Variants in DNER observed in about 807,000 individuals in gnomAD.
DNER encodes the protein delta/notch like EGF repeat containing.
A neutral mutation model predicts 78.2 loss-of-function variants in DNER; 33 were observed. That is an observed-to-expected ratio of 0.42 (90% CI 0.32 to 0.56). The LOEUF is 0.56. Ranked by LOEUF, DNER falls within the 20% of genes least tolerant of loss-of-function variation. The pLI is 0.11. For synonymous variants in DNER, 417 were observed against 384.8 expected (o/e 1.08, Z -0.98); for missense variants, 918 against 975.3 (o/e 0.94, Z 0.78).
At chr2:229,491,152 G>A (rs543625613) in intron 6 of DNER, among the ~76,000 whole-genome samples, 8 of 152,238 alleles carry the variant, frequency 5.3e-5, no homozygotes, top group African/African-American at 1.9e-4. Context: ...GTTCTCTCGG[G>A]CACTGTGCTC....
chr2:229,531,012 G>T (rs917114665), intron 5 of DNER, among the ~76,000 whole-genome samples: 6 of 152,254 alleles, frequency 3.9e-5, no homozygotes, highest in African/African-American at 1.4e-4. Context: ...CACAGTGGTG[G>T]TGGCTTCCTT....
chr2:229,381,219 G>A (rs113813674), intron 11 of DNER, among the ~76,000 whole-genome samples: 4,465 of 152,166 alleles, frequency 0.029, 96 homozygotes, highest in African/African-American at 0.06. Flanking sequence ...GGACTGTGTC[G>A]TGAGGAACGG....
intron 1 of DNER, among the ~76,000 whole-genome samples, chr2:229,656,582 T>C (rs1192452013): frequency 6.6e-6 from 1 of 151,982 alleles, no homozygotes; most frequent in Non-Finnish European, 1.5e-5. Flanking sequence ...ATCTAGCCCC[T>C]CGAACCTGTT....
chr2:229,603,762 AAGTTTGTGCTTTGCAATTTTTGTG>A (rs1469012498), intron 1 of DNER, among the ~76,000 whole-genome samples: 4,633 of 152,190 alleles, frequency 0.03, 212 homozygotes, highest in African/African-American at 0.096. Context: ...TGTGCTTTGC[AAGTTTGTGCTTTGCAATTTTTGTG>A]CATATTTTGT....
At chr2:229,457,424 C>T (rs1694599957) in intron 7 of DNER, among the ~76,000 whole-genome samples, 1 of 151,880 alleles carries the variant, frequency 6.6e-6, no homozygotes, top group Non-Finnish European at 1.5e-5. Flanking sequence ...TTACATTTTG[C>T]ATGAAGTGAT....
At chr2:229,368,944 TA>T (rs1692413579) in intron 11 of DNER, among the ~76,000 whole-genome samples, 1 of 152,174 alleles carries the variant, frequency 6.6e-6, no homozygotes, top group South Asian at 2.1e-4. Context: ...CCTTTTCCAA[TA>T]AAGAAATATG....
intron 1 of DNER, among the ~76,000 whole-genome samples, chr2:229,638,206 T>C (rs1229268750): frequency 6.6e-6 from 1 of 152,184 alleles, no homozygotes; most frequent in Non-Finnish European, 1.5e-5. Flanking sequence ...TGAAAAAATA[T>C]TTTATAGACA....
At chr2:229,685,111 CACA>C (rs1311023620) in intron 1 of DNER, among the ~76,000 whole-genome samples, 4 of 152,166 alleles carry the variant, frequency 2.6e-5, no homozygotes, top group Admixed American at 6.5e-5. Context: ...ATAATAATAA[CACA>C]ACAAGTTTAG....
At chr2:229,670,969 C>T (rs1429679045) in intron 1 of DNER, among the ~76,000 whole-genome samples, 1 of 152,094 alleles carries the variant, frequency 6.6e-6, no homozygotes, top group Non-Finnish European at 1.5e-5. Flanking sequence ...TGTGAAATGT[C>T]AGTAGTGGTG....
At position 229,654,380 on chromosome 2, in the gene DNER, C is replaced by T. The variant is rs528879974; in HGVS notation, c.276+59768G>A. Among the ~76,000 whole-genome samples the T allele has an allele frequency of 9.4e-4, 143 of 152,246 alleles. 1 individual carries two copies. Among genetic ancestry groups the T allele is most frequent in the African/African-American group, 3.3e-3 (137 of 41,538 alleles). ...TTTATTGCGGCACTATTCACAATAG[C>T]AAAGACTTGGAACCAACCCAAATGT... is the stretch of plus-strand genomic sequence containing the variant. On this transcript the variant is annotated intron_variant, in intron 1 of 12. Coordinates refer to ENST00000341772, the MANE Select transcript of DNER (RefSeq NM_139072.4).
chr2:229,427,783 A>G (rs967769764), intron 8 of DNER, among the ~76,000 whole-genome samples: 1 of 152,200 alleles, frequency 6.6e-6, no homozygotes, highest in Non-Finnish European at 1.5e-5. Flanking sequence ...CAGAGAAGAA[A>G]TAAGAACACT....
chr2:229,634,742 A>G (rs13421262), intron 1 of DNER, among the ~76,000 whole-genome samples: 8,247 of 152,158 alleles, frequency 0.054, 286 homozygotes, highest in Middle Eastern at 0.075. Context: ...TGCCGGCCCA[A>G]AGGAGTCTGT....
intron 6 of DNER, among the ~76,000 whole-genome samples, chr2:229,496,735 T>G (rs1695510633): frequency 6.6e-6 from 1 of 151,878 alleles, no homozygotes; most frequent in African/African-American, 2.4e-5. Context: ...GACAAAGGGG[T>G]CAATTCAATA....
intron 7 of DNER, among the ~76,000 whole-genome samples, chr2:229,454,825 T>C (rs73998236): frequency 0.075 from 11,451 of 152,170 alleles, 1,295 homozygotes; most frequent in African/African-American, 0.24. Context: ...TGCTAGCATA[T>C]CTCAGTATAT....
rs182574294 is a variant in DNER at position 229,521,501 on chromosome 2, A to G, written c.994-8565T>C. On this transcript the variant is annotated intron_variant, in intron 5 of 12. Coordinates refer to ENST00000341772, the MANE Select transcript of DNER (RefSeq NM_139072.4). The stretch of plus-strand genomic sequence containing the variant: ...GACAGTCATTTAGGTCTGAAATTAC[A>G]TAGGTGACAGACACTAAAACCTAGA... 3.3e-3 allele frequency among the ~76,000 whole-genome samples: 497 copies of G among 152,344 alleles called. 3 individuals carry two copies. The highest frequency in any genetic ancestry group is 0.011 in the African/African-American group (465 of 41,586).
intron 7 of DNER, among the ~76,000 whole-genome samples, chr2:229,464,744 A>G (rs13017464): frequency 0.39 from 58,486 of 151,894 alleles, 13,112 homozygotes; most frequent in African/African-American, 0.63. Context: ...TGCGGTGGGT[A>G]GAGAATGGTG....
intron 4 of DNER, among the ~76,000 whole-genome samples, chr2:229,570,833 C>T (rs1177375248): frequency 6.6e-6 from 1 of 151,962 alleles, no homozygotes; most frequent in African/African-American, 2.4e-5. Context: ...AAAGCCAAGG[C>T]ACAGGGATGC....
chr2:229,546,790 T>TAGAC (rs1696634066), intron 5 of DNER, among the ~76,000 whole-genome samples, 157 bp downstream of exon 5: 1 of 142,114 alleles, frequency 7.0e-6, no homozygotes, highest in Non-Finnish European at 1.5e-5. Flanking sequence ...GATAGACAGA[T>TAGAC]AGATAGATAG....
chr2:229,366,264 G>A (rs1210049070), intron 12 of DNER, among the ~76,000 whole-genome samples: 2 of 152,188 alleles, frequency 1.3e-5, no homozygotes. Context: ...CCTTTATACA[G>A]TTGAGGGAGC....
Sources: allele counts gnomAD v4.1 joint callset (sites outside exome capture counted in the v4.1 genomes callset), GRCh38; gene constraint gnomAD v4.1.1; transcripts MANE v1.5; gene names NCBI Gene and HGNC (gene_info 2026-07-23, HGNC 2026-07-21).